GLMN: variants seen among roughly 807,000 people sequenced by gnomAD.
The protein encoded by GLMN is glomulin.
GLMN carries 75 observed loss-of-function variants against 87.8 expected under a neutral mutation model. The observed-to-expected ratio is 0.85, with a 90% CI of 0.71 to 1.04. The LOEUF (loss-of-function observed/expected upper bound fraction) is 1.04. GLMN is among the 50% of genes least tolerant of loss of function. GLMN has a pLI of 0.00. For missense variants in GLMN, 588 were observed against 658.8 expected (o/e 0.89, Z 1.18); for synonymous variants, 206 against 221.6 (o/e 0.93, Z 0.63).
At chr1:92,347,646 C>T in the GLMN span, among the ~76,000 whole-genome samples, 1 of 152,138 alleles carries the variant, frequency 6.6e-6, no homozygotes, top group African/African-American at 2.4e-5. Flanking sequence ...ATAAAGGCTA[C>T]CATTAAAATT....
chr1:92,294,801 C>T (rs1205770709), intron 3 of GLMN, among the ~76,000 whole-genome samples: 1 of 152,118 alleles, frequency 6.6e-6, no homozygotes, highest in Non-Finnish European at 1.5e-5. Flanking sequence ...ATCTCAGTCT[C>T]CCGAGTAGCT....
At chr1:92,275,670 G>A (rs1647222611) in intron 7 of GLMN, among the ~76,000 whole-genome samples, 1 of 152,020 alleles carries the variant, frequency 6.6e-6, no homozygotes, top group Admixed American at 6.6e-5. Flanking sequence ...CTCCAACACT[G>A]TACTTACACT....
upstream of GLMN, chr1:92,301,634 C>T: frequency 1.2e-6 from 1 of 815,840 alleles, no homozygotes; most frequent in South Asian, 2.0e-5. Context: ...AGTATAACAT[C>T]TTTAAATCTG....
the GLMN span, among the ~76,000 whole-genome samples, chr1:92,342,722 G>T: frequency 6.6e-6 from 1 of 152,130 alleles, no homozygotes; most frequent in African/African-American, 2.4e-5. Flanking sequence ...TATTTTGAAG[G>T]TGGAATCATT....
chr1:92,328,142 T>A, the GLMN span, among the ~76,000 whole-genome samples: 1 of 152,228 alleles, frequency 6.6e-6, no homozygotes, highest in South Asian at 2.1e-4. Flanking sequence ...GGGGCAATGA[T>A]CTTTTTATGA....
upstream of GLMN, among the ~76,000 whole-genome samples, chr1:92,301,140 T>C (rs1031336338): frequency 6.6e-6 from 1 of 152,160 alleles, no homozygotes; most frequent in African/African-American, 2.4e-5. Context: ...GTGCAAAAAG[T>C]AGCTTGTTTC....
intron 4 of GLMN, 146 bp downstream of exon 4, chr1:92,291,272 A>G (rs982242135): frequency 6.9e-6 from 5 of 729,550 alleles, no homozygotes; most frequent in East Asian, 2.6e-5. Context: ...TATCCAATCA[A>G]TAAGACTGGG....
chr1:92,266,552 A>G (rs1400423669), intron 12 of GLMN, 60 bp from the exon 13 acceptor site: 1 of 1,128,670 alleles, frequency 8.9e-7, no homozygotes, highest in South Asian at 1.3e-5. Flanking sequence ...AGACTTCATC[A>G]CTATCCATTT....
At chr1:92,311,047 A>G in the GLMN span, among the ~76,000 whole-genome samples, 31 of 152,218 alleles carry the variant, frequency 2.0e-4, no homozygotes, top group African/African-American at 6.0e-4. Context: ...TTCTTACTAC[A>G]TGAAATGCCT....
chr1:92,363,070 A>G, the GLMN span, among the ~76,000 whole-genome samples: 1 of 152,162 alleles, frequency 6.6e-6, no homozygotes, highest in East Asian at 1.9e-4. Flanking sequence ...TCCAGGGGGA[A>G]AAAAATGCAC....
the GLMN span, among the ~76,000 whole-genome samples, chr1:92,338,074 T>C: frequency 5.3e-5 from 8 of 152,326 alleles, no homozygotes; most frequent in African/African-American, 1.9e-4. Flanking sequence ...AATTAAGCTT[T>C]CACAGGCATC....
the GLMN span, among the ~76,000 whole-genome samples, chr1:92,370,442 C>G: frequency 2.0e-5 from 3 of 152,086 alleles, no homozygotes; most frequent in Admixed American, 6.5e-5. Flanking sequence ...GGAATAACTT[C>G]AAGAGCTTTC....
intron 3 of GLMN, 27 bp from the exon 4 acceptor site, chr1:92,291,564 A>G: frequency 6.2e-7 from 1 of 1,611,002 alleles, no homozygotes; most frequent in Non-Finnish European, 8.5e-7. Context: ...AGAGTAAAGC[A>G]AACACTGCCA....
At chr1:92,320,206 G>A in the GLMN span, among the ~76,000 whole-genome samples, 2 of 152,074 alleles carry the variant, frequency 1.3e-5, no homozygotes, top group Non-Finnish European at 2.9e-5. Context: ...AGTGAGTATA[G>A]TTTGGGTAAG....
intron 16 of GLMN, among the ~76,000 whole-genome samples, chr1:92,251,281 G>A (rs1171535606): frequency 6.6e-6 from 1 of 152,024 alleles, no homozygotes; most frequent in Non-Finnish European, 1.5e-5. Flanking sequence ...ATAGATACAG[G>A]TAAATGGAAT....
chr1:92,290,048 A>G, intron 5 of GLMN, 150 bp downstream of exon 5: 2 of 662,114 alleles, frequency 3.0e-6, no homozygotes, highest in Middle Eastern at 3.7e-4. Flanking sequence ...GAGCAGCAGT[A>G]TTCACATTGG....
chr1:92,325,834 A>G, the GLMN span, among the ~76,000 whole-genome samples: 219 of 152,076 alleles, frequency 1.4e-3, 1 homozygote, highest in South Asian at 0.01. Flanking sequence ...ATTTCATGCA[A>G]TATTATACTT....
At chr1:92,370,184 C>T in the GLMN span, among the ~76,000 whole-genome samples, 1 of 152,284 alleles carries the variant, frequency 6.6e-6, no homozygotes, top group African/African-American at 2.4e-5. Flanking sequence ...TGTGCCCAGT[C>T]TATTTTATGA....
At chr1:92,284,937 TGGTG>T (rs1313498859) in intron 7 of GLMN, among the ~76,000 whole-genome samples, 1 of 152,164 alleles carries the variant, frequency 6.6e-6, no homozygotes. Flanking sequence ...CCAGTTAGAA[TGGTG>T]ATCATTAAAA....
Sources: allele counts gnomAD v4.1 joint callset (sites outside exome capture counted in the v4.1 genomes callset), GRCh38; gene constraint gnomAD v4.1.1; transcripts MANE v1.5; gene names NCBI Gene and HGNC (gene_info 2026-07-23, HGNC 2026-07-21).